STAM: variants seen among roughly 807,000 people sequenced by gnomAD.
The protein encoded by STAM is signal transducing adaptor molecule, also known as signal transducing adapter molecule 1.
In STAM, 16 loss-of-function variants were observed where a neutral mutation model predicts 63.4. The observed-to-expected ratio is 0.25, with a 90% CI of 0.17 to 0.38. The LOEUF is 0.38. Among genes scored for constraint, STAM ranks in the 10% least tolerant of loss-of-function variants. The pLI is 1.00. For synonymous variants in STAM, 238 were observed against 223.9 expected, an observed-to-expected ratio of 1.06 and a Z score of -0.56; for missense variants, 636 against 657.1, an observed-to-expected ratio of 0.97 and a Z score of 0.35.
intron 2 of STAM, among the ~76,000 whole-genome samples, chr10:17,679,810 G>A (rs181291481): frequency 2.4e-3 from 360 of 150,702 alleles, no homozygotes; most frequent in African/African-American, 8.3e-3. Context: ...AGTTAGTTTC[G>A]GTAGTTTCCT....
At chr10:17,696,187 A>G (rs1418790171) in intron 7 of STAM, 1 of 151,780 alleles carries the variant, frequency 6.6e-6, no homozygotes, top group Non-Finnish European at 1.5e-5. Flanking sequence ...TGAGTGGAAG[A>G]AAATAAAGTT....
chr10:17,696,523 T>A (rs981070139), intron 7 of STAM: 2 of 356,582 alleles, frequency 5.6e-6, no homozygotes, highest in Non-Finnish European at 1.0e-5. Flanking sequence ...GTGCCTCTTT[T>A]TTTGGGAGAG....
chr10:17,691,767 A>G (rs1835546370), intron 5 of STAM, among the ~76,000 whole-genome samples: 1 of 152,198 alleles, frequency 6.6e-6, no homozygotes, highest in Non-Finnish European at 1.5e-5. Context: ...TGTTCCAGTC[A>G]GTGTTCTAAG....
chr10:17,707,446 A>G (rs890474636), intron 12 of STAM, among the ~76,000 whole-genome samples: 1 of 151,770 alleles, frequency 6.6e-6, no homozygotes, highest in Non-Finnish European at 1.5e-5. Context: ...AATAAAAACA[A>G]AACTAGCCAG....
At chr10:17,714,477 T>C in intron 13 of STAM, 66 bp from the exon 14 acceptor site, 1 of 1,435,198 alleles carries the variant, frequency 7.0e-7, no homozygotes, top group South Asian at 1.2e-5. Flanking sequence ...AAATAGCTTT[T>C]CCATTTATCT....
intron 1 of STAM, among the ~76,000 whole-genome samples, chr10:17,647,179 A>G (rs1554820953): frequency 6.6e-6 from 1 of 152,238 alleles, no homozygotes; most frequent in African/African-American, 2.4e-5. Context: ...CATTTATGGA[A>G]TAAATGAATC....
At chr10:17,675,132 T>A (rs957795760) in intron 2 of STAM, among the ~76,000 whole-genome samples, 1 of 152,240 alleles carries the variant, frequency 6.6e-6, no homozygotes, top group African/African-American at 2.4e-5. Context: ...TCATGGTGCC[T>A]TTTCATCGCT....
At chr10:17,666,677 A>T (rs187417532) in intron 2 of STAM, among the ~76,000 whole-genome samples, 3 of 152,096 alleles carry the variant, frequency 2.0e-5, no homozygotes, top group African/African-American at 7.2e-5. Flanking sequence ...GATTACAGGC[A>T]TGAGCCACCC....
Position 17,705,691 on chromosome 10 carries a change from T to G in STAM, c.1159T>G (p.Leu387Val). Residue 387 changes from leucine (L) to valine (V), a missense_variant, in exon 12 of 14, where the codon TTA becomes GTA. Coordinates refer to ENST00000377524, the MANE Select transcript of STAM (RefSeq NM_003473.4). ...EDPMYSMYAK[L>V]QNQPYYMQSS... ...TCCGATGTATTCCATGTATGCAAAG[T>G]TACAGAATCAGCCATATTATATGCA... is the stretch of plus-strand genomic sequence containing the variant. 1 of 1,613,990 alleles carries G rather than the reference T, an allele frequency of 6.2e-7. No individual in the cohort carries two copies. The highest frequency in any genetic ancestry group is 8.5e-7 in the Non-Finnish European group (1 of 1,179,950).
chr10:17,701,763 C>T (rs1176230270), intron 9 of STAM, among the ~76,000 whole-genome samples: 2 of 152,070 alleles, frequency 1.3e-5, no homozygotes, highest in African/African-American at 4.8e-5. Flanking sequence ...TCCAACTTTA[C>T]GGAAGAAAGG....
intron 1 of STAM, among the ~76,000 whole-genome samples, chr10:17,647,588 C>G (rs1554821030): frequency 6.6e-6 from 1 of 151,978 alleles, no homozygotes; most frequent in Non-Finnish European, 1.5e-5. Context: ...TGGATTCAGT[C>G]CCAGGTTTGC....
chr10:17,696,613 G>A, intron 7 of STAM, 162 bp from the exon 8 acceptor site: 1 of 560,684 alleles, frequency 1.8e-6, no homozygotes, highest in South Asian at 2.6e-5. Context: ...CTTTTCTGAG[G>A]CTTCTTCTTC....
intron 2 of STAM, among the ~76,000 whole-genome samples, chr10:17,677,305 A>T (rs1469774653): frequency 6.6e-6 from 1 of 152,206 alleles, no homozygotes; most frequent in Non-Finnish European, 1.5e-5. Flanking sequence ...CTTAAAAAAA[A>T]GTGGTTTATA....
chr10:17,674,832 A>G (rs1834779572), intron 2 of STAM, among the ~76,000 whole-genome samples: 1 of 152,222 alleles, frequency 6.6e-6, no homozygotes, highest in Non-Finnish European at 1.5e-5. Flanking sequence ...GTGTTGAATC[A>G]GAACTTTGAA....
At chr10:17,686,291 A>C (rs1029633643) in intron 4 of STAM, among the ~76,000 whole-genome samples, 2 of 152,094 alleles carry the variant, frequency 1.3e-5, no homozygotes, top group Non-Finnish European at 2.9e-5. Flanking sequence ...ATTTCCAAAA[A>C]CGACTTCCTA....
At chr10:17,709,855 G>A (rs1378581465) in intron 13 of STAM, among the ~76,000 whole-genome samples, 3 of 149,064 alleles carry the variant, frequency 2.0e-5, no homozygotes, top group Admixed American at 1.4e-4. Context: ...CTAGTATCCC[G>A]AAGTGACCTT....
rs1254967980 is a variant in STAM at position 17,647,504 on chromosome 10, C to CT, written c.40+3135dup. Among the ~76,000 whole-genome samples the CT allele has an allele frequency of 3.7e-3, 555 of 148,968 alleles. 3 individuals carry two copies. Among genetic ancestry groups the CT allele is most frequent in the African/African-American group, 0.013 (513 of 40,786 alleles). On this transcript the variant is annotated intron_variant, in intron 1 of 13. Transcript: ENST00000377524. The stretch of plus-strand genomic sequence containing the variant: ...TTCCGGAGCCTCTTCTCTCCTTCCA[C>CT]TTTTTTTTTTCCCTTAGAGTATTAG...
At chr10:17,697,450 T>A (rs973188101) in intron 8 of STAM, among the ~76,000 whole-genome samples, 4 of 152,228 alleles carry the variant, frequency 2.6e-5, no homozygotes, top group African/African-American at 9.6e-5. Flanking sequence ...AAGCAACATG[T>A]CAGATATTCA....
chr10:17,713,375 G>A (rs1254950635), intron 13 of STAM, among the ~76,000 whole-genome samples: 1 of 152,104 alleles, frequency 6.6e-6, no homozygotes, highest in Non-Finnish European at 1.5e-5. Flanking sequence ...AGGACAGCAG[G>A]CTTGAATAGC....
Sources: gnomAD v4.1 joint callset for allele counts (sites outside exome capture counted in the v4.1 genomes callset) on GRCh38, gnomAD v4.1.1 for gene constraint, MANE v1.5 for transcripts, NCBI Gene and HGNC (gene_info 2026-07-23, HGNC 2026-07-21) for gene names.